OPHN1: variants seen among roughly 807,000 people sequenced by gnomAD.
The protein encoded by OPHN1 is oligophrenin 1, also known as oligophrenin-1.
A neutral mutation model predicts 60.7 loss-of-function variants in OPHN1; 11 were observed. The observed-to-expected ratio is 0.18, with a 90% CI of 0.11 to 0.30. The LOEUF (loss-of-function observed/expected upper bound fraction) is 0.30. Ranked by LOEUF, OPHN1 falls within the 10% of genes least tolerant of loss-of-function variation. The pLI is 1.00. For synonymous variants in OPHN1, 226 were observed against 222.6 expected (o/e 1.02, Z -0.14); for missense variants, 449 against 611.0 (o/e 0.73, Z 2.80).
intron 21 of OPHN1, among the ~76,000 whole-genome samples, chrX:68,054,526 G>C: frequency 9.1e-6 from 1 of 109,382 alleles, no homozygotes. Flanking sequence ...TTTGCTTTTG[G>C]GAACAGGCCC....
At chrX:68,255,262 A>T (rs1274143955) in intron 5 of OPHN1, among the ~76,000 whole-genome samples, 1 of 111,043 alleles carries the variant, frequency 9.0e-6, no homozygotes, top group Non-Finnish European at 1.9e-5. Context: ...CGACAGTAAG[A>T]GATGAGCAAC....
intron 3 of OPHN1, among the ~76,000 whole-genome samples, chrX:68,287,166 A>G (rs1043714107): frequency 1.0e-5 from 1 of 95,513 alleles, no homozygotes; most frequent in Admixed American, 1.2e-4. Context: ...GGAAAGAAAG[A>G]AAGAAAGAAA....
chrX:68,106,544 C>T (rs1369635518), intron 18 of OPHN1, among the ~76,000 whole-genome samples: 1 of 111,540 alleles, frequency 9.0e-6, no homozygotes, highest in African/African-American at 3.3e-5. Context: ...CAGAATTAGG[C>T]CTGGAGCTTG....
intron 3 of OPHN1, among the ~76,000 whole-genome samples, chrX:68,297,708 C>T (rs2078102244): frequency 9.0e-6 from 1 of 111,018 alleles, no homozygotes; most frequent in Non-Finnish European, 1.9e-5. Context: ...CTACTGTATG[C>T]CAGGCACTCC....
intron 18 of OPHN1, among the ~76,000 whole-genome samples, chrX:68,110,590 C>G (rs2077099902): frequency 1.8e-5 from 2 of 112,152 alleles, no homozygotes; most frequent in South Asian, 7.4e-4. Context: ...TGTGACAGAT[C>G]TGGAACTTGG....
chrX:68,379,333 A>T (rs1018011366), intron 2 of OPHN1, among the ~76,000 whole-genome samples: 1 of 111,757 alleles, frequency 8.9e-6, no homozygotes, highest in African/African-American at 3.3e-5. Flanking sequence ...TTTTGGGCTA[A>T]GACAGTGCAG....
chrX:68,410,710 T>A (rs1286508460), intron 2 of OPHN1, among the ~76,000 whole-genome samples: 1 of 111,270 alleles, frequency 9.0e-6, no homozygotes, highest in Non-Finnish European at 1.9e-5. Context: ...CTAATACTGT[T>A]GCATTGGGGA....
At chrX:68,382,314 T>C (rs772275578) in intron 2 of OPHN1, among the ~76,000 whole-genome samples, 114 of 109,615 alleles carry the variant, frequency 1.0e-3, no homozygotes, top group African/African-American at 3.4e-3. Flanking sequence ...GCCACTGCAC[T>C]ACAGCCTGGG....
rs547655503 is a variant in OPHN1, at chrX:68,130,037, T to C, written c.1277-10705A>G. ...TAAAGGACAGCTGAAAGAAAGGCCA[T>C]TGGTTCTTTTGTTATTGCTGAATAT... On this transcript the variant is annotated intron_variant, in intron 15 of 24. Transcript: ENST00000355520. Among the ~76,000 whole-genome samples the C allele has an allele frequency of 2.1e-4, 24 of 112,494 alleles. No individual in the cohort carries two copies. The South Asian group carries it at 8.4e-3, about 39-fold the overall frequency.
chrX:68,294,473 C>CA (rs570989143), intron 3 of OPHN1, among the ~76,000 whole-genome samples: 1,468 of 10,621 alleles, frequency 0.14, 259 homozygotes, highest in African/African-American at 0.19. Context: ...GACTCTATCA[C>CA]AAAAAAAAAA....
chrX:68,364,931 T>A (rs992496037), intron 2 of OPHN1, among the ~76,000 whole-genome samples: 5 of 111,700 alleles, frequency 4.5e-5, no homozygotes, highest in African/African-American at 1.6e-4. Context: ...ATGATTTACC[T>A]AACTTCTCTA....
intron 15 of OPHN1, among the ~76,000 whole-genome samples, chrX:68,187,697 A>G (rs973519654): frequency 9.1e-6 from 1 of 110,356 alleles, no homozygotes. Flanking sequence ...GTGCCATCTC[A>G]GCTCACTGCA....
intron 5 of OPHN1, among the ~76,000 whole-genome samples, chrX:68,236,490 T>C (rs1218014772): frequency 2.7e-5 from 3 of 112,423 alleles, no homozygotes; most frequent in East Asian, 2.8e-4. Context: ...ACTGCTGTTA[T>C]CTAATTCCAA....
intron 18 of OPHN1, among the ~76,000 whole-genome samples, chrX:68,111,206 G>T (rs1246118785): frequency 8.9e-6 from 1 of 112,305 alleles, no homozygotes; most frequent in Non-Finnish European, 1.9e-5. Flanking sequence ...GCCCAGGTCT[G>T]CTGGCTCCTG....
intron 2 of OPHN1, among the ~76,000 whole-genome samples, chrX:68,321,245 G>C (rs5965547): frequency 0.081 from 9,003 of 111,148 alleles, 916 homozygotes; most frequent in African/African-American, 0.28. Context: ...AAGGTGCCAG[G>C]CATGGGTCCA....
At chrX:68,417,568 T>C (rs2078805596) in intron 2 of OPHN1, among the ~76,000 whole-genome samples, 1 of 112,861 alleles carries the variant, frequency 8.9e-6, no homozygotes, top group Non-Finnish European at 1.9e-5. Context: ...TTTCTACTTA[T>C]CACCATTAAA....
At chrX:68,275,668 T>C (rs1425875192) in intron 4 of OPHN1, among the ~76,000 whole-genome samples, 3 of 111,692 alleles carry the variant, frequency 2.7e-5, no homozygotes, top group African/African-American at 9.8e-5. Context: ...TTCCTTGTCA[T>C]ATGAGACATA....
In OPHN1 at chrX:68,133,258, T is replaced by C. The variant is rs770372240; in HGVS notation, c.1277-13926A>G. 6.0e-5 allele frequency: 39 copies of C among 648,585 alleles called. 1 individual carries two copies. The African/African-American group carries it at 6.5e-4, about 11-fold the overall frequency. The allele number at this position is 648,585 out of a possible 1,213,427, so 53.5% of individuals were successfully genotyped here. A position where few individuals can be genotyped will look rare whatever the true frequency, so the allele number is the denominator to read the frequency against. ...GGATGAAGAAGGACCAGCCCACATT[T>C]ACCCTCTGACAAATCGGAATAATAC... On this transcript the variant is annotated intron_variant, in intron 15 of 24. Coordinates refer to ENST00000355520, the MANE Select transcript of OPHN1 (RefSeq NM_002547.3).
intron 4 of OPHN1, among the ~76,000 whole-genome samples, chrX:68,277,908 A>G (rs939301813): frequency 3.6e-5 from 4 of 112,477 alleles, no homozygotes; most frequent in Non-Finnish European, 7.5e-5. Context: ...CACTGTATGG[A>G]GCTGGGCCCT....
Sources: gnomAD v4.1 joint callset for allele counts (sites outside exome capture counted in the v4.1 genomes callset) on GRCh38, gnomAD v4.1.1 for gene constraint, MANE v1.5 for transcripts, NCBI Gene and HGNC (gene_info 2026-07-23, HGNC 2026-07-21) for gene names.